Variants in RASGEF1C observed in about 807,000 individuals in gnomAD.
RASGEF1C encodes ras-GEF domain-containing family member 1C.
RASGEF1C carries 27 observed loss-of-function variants against 58.1 expected under a neutral mutation model. That is an observed-to-expected ratio of 0.46 (90% confidence interval 0.34 to 0.64). The LOEUF is 0.64. Among genes scored for constraint, RASGEF1C ranks in the 30% least tolerant of loss-of-function variants. RASGEF1C has a pLI of 0.01. For missense variants in RASGEF1C, 502 were observed against 605.1 expected, an observed-to-expected ratio of 0.83 and a Z score of 1.79; for synonymous variants, 243 against 246.3, an observed-to-expected ratio of 0.99 and a Z score of 0.13.
intron 1 of RASGEF1C, among the ~76,000 whole-genome samples, chr5:180,176,474 C>T (rs1767226564): frequency 6.6e-6 from 1 of 152,200 alleles, no homozygotes; most frequent in Non-Finnish European, 1.5e-5. Context: ...CCTGCCAGGA[C>T]CAGGCAGAGG....
chr5:180,174,627 TGTGTGTGTGTGC>T (rs1427979433), intron 1 of RASGEF1C, among the ~76,000 whole-genome samples: 153 of 114,062 alleles, frequency 1.3e-3, no homozygotes, highest in Middle Eastern at 3.8e-3. Flanking sequence ...TCTGTGTGTG[TGTGTGTGTGTGC>T]GTGCATGTGT....
chr5:180,175,672 T>C (rs893055655), intron 1 of RASGEF1C, among the ~76,000 whole-genome samples: 1 of 152,242 alleles, frequency 6.6e-6, no homozygotes, highest in African/African-American at 2.4e-5. Context: ...AGAATATCTA[T>C]GAGCTCTAAT....
chr5:180,166,968 C>A (rs1204871264), intron 1 of RASGEF1C, among the ~76,000 whole-genome samples: 2 of 152,110 alleles, frequency 1.3e-5, no homozygotes. Flanking sequence ...TATCATTTTT[C>A]TCTGGCTGCT....
rs969202462 is a variant in RASGEF1C at position 180,136,590 on chromosome 5, G to T, written c.301-75C>A. 2.3e-5 allele frequency: 34 copies of T among 1,470,194 alleles called. No homozygotes were observed. In the East Asian group the frequency reaches 4.5e-4, roughly 20 times the overall value. The allele number at this position is 1,470,194 out of a possible 1,614,324, so 91.1% of individuals were successfully genotyped here. A position where few individuals can be genotyped will look rare whatever the true frequency, so the allele number is the denominator to read the frequency against. On this transcript the variant is annotated intron_variant, in intron 3 of 13. Transcript: ENST00000361132. ...CGTGAGCCTCACTGCGCGTCCTTGC[G>T]GGTCTGGCCGCCCGGGGCAGGCAGG...
intron 1 of RASGEF1C, among the ~76,000 whole-genome samples, chr5:180,178,447 T>C (rs935249067): frequency 1.3e-5 from 2 of 151,428 alleles, no homozygotes; most frequent in Non-Finnish European, 2.9e-5. Context: ...TCCAGGCTAA[T>C]TGTTGTATTT....
chr5:180,181,952 C>G (rs1182066438), intron 1 of RASGEF1C, among the ~76,000 whole-genome samples: 2 of 150,958 alleles, frequency 1.3e-5, no homozygotes, highest in Admixed American at 1.3e-4. Flanking sequence ...GCCTGTAATC[C>G]TAGCACTTTG....
At chr5:180,178,401 TC>T (rs1767266508) in intron 1 of RASGEF1C, among the ~76,000 whole-genome samples, 1 of 147,886 alleles carries the variant, frequency 6.8e-6, no homozygotes, top group African/African-American at 2.5e-5. Flanking sequence ...TGCCTCAGTC[TC>T]CCAAGTAACT....
At position 180,197,599 on chromosome 5, in the gene RASGEF1C, C is replaced by A. The variant is rs1561759086; in HGVS notation, c.-7+11429G>T. ...CCAGACAGCAGGCTGAGCTCAAGGCCCACACTGGCTGCATGGCCCTGGGAT... is the reference window on the plus strand; with the variant it reads ...CCAGACAGCAGGCTGAGCTCAAGGCACACACTGGCTGCATGGCCCTGGGAT... On this transcript the variant is annotated intron_variant, in intron 1 of 13. Transcript: ENST00000361132. This position sits in a 1 kb window ranked among gnomAD's most constrained non-coding sequence, Gnocchi z 4.7. 6.6e-6 allele frequency among the ~76,000 whole-genome samples: 1 copy of A among 152,098 alleles called. No individual in the cohort carries two copies. Among genetic ancestry groups the A allele is most frequent in the Non-Finnish European group, 1.5e-5 (1 of 68,006 alleles).
At chr5:180,141,888 T>C (rs1363358198) in intron 1 of RASGEF1C, among the ~76,000 whole-genome samples, 1 of 152,096 alleles carries the variant, frequency 6.6e-6, no homozygotes, top group Non-Finnish European at 1.5e-5. Context: ...TTTTGTATTT[T>C]TGGTAGAGAC....
intron 1 of RASGEF1C, among the ~76,000 whole-genome samples, chr5:180,148,100 T>G (rs867296990): frequency 3.8e-4 from 58 of 152,342 alleles, no homozygotes; most frequent in African/African-American, 7.9e-4. Flanking sequence ...TGTGATACCC[T>G]TCTTTGTCTC....
In RASGEF1C at chr5:180,122,180, C is replaced by T. The variant is rs577412598; in HGVS notation, c.715-1031G>A. On this transcript the variant is annotated intron_variant, in intron 6 of 13. Transcript: ENST00000361132. The stretch of plus-strand genomic sequence containing the variant: ...CAAAAGCCTTGTGATGAGAGTCTCA[C>T]AGGAGCCTAACCTTGCATTTCCCCC... Among the ~76,000 whole-genome samples, 3 of 152,302 alleles carry T rather than the reference C, an allele frequency of 2.0e-5. No homozygotes were observed. The South Asian group carries it at 6.2e-4, about 32-fold the overall frequency.
chr5:180,135,187 G>C (rs935075369), intron 4 of RASGEF1C: 4 of 152,284 alleles, frequency 2.6e-5, no homozygotes, highest in Non-Finnish European at 4.4e-5. Context: ...GGGGAGAAGT[G>C]TGGGGAGGAG....
intron 4 of RASGEF1C, among the ~76,000 whole-genome samples, chr5:180,134,410 A>T (rs1054441709): frequency 1.3e-5 from 2 of 151,918 alleles, no homozygotes; most frequent in African/African-American, 4.8e-5. Flanking sequence ...CCACCAAGAC[A>T]TGGCTCCAAC....
At chr5:180,138,544 C>T (rs1161512219) in intron 1 of RASGEF1C, among the ~76,000 whole-genome samples, 1 of 152,116 alleles carries the variant, frequency 6.6e-6, no homozygotes, top group African/African-American at 2.4e-5. Flanking sequence ...GTATGCCCGA[C>T]GCTACTGGGG....
chr5:180,124,572 C>G (rs1426915493), intron 6 of RASGEF1C, among the ~76,000 whole-genome samples: 1 of 152,180 alleles, frequency 6.6e-6, no homozygotes, highest in Non-Finnish European at 1.5e-5. Flanking sequence ...CGCCTGTAAT[C>G]CCAGCACTTT....
rs535737868 is a variant in RASGEF1C at position 180,118,913 on chromosome 5, G to A, written c.908-47C>T. Reference sequence around the variant, plus strand: ...GAGAGGGCTGCTCCTGGGACAGGGGGGCCTCTGCGTAGCTGCACCCCCTTG... The same window carrying A: ...GAGAGGGCTGCTCCTGGGACAGGGGAGCCTCTGCGTAGCTGCACCCCCTTG... On this transcript the variant is annotated intron_variant, in intron 8 of 13. Coordinates refer to ENST00000361132, the MANE Select transcript of RASGEF1C (RefSeq NM_175062.4). The A allele has an allele frequency of 3.8e-5, 59 of 1,563,540 alleles. No individual in the cohort carries two copies. In the South Asian group the frequency reaches 6.0e-4, roughly 16 times the overall value.
rs1300607071 is a variant in RASGEF1C at position 180,155,264 on chromosome 5, G to T, written c.-6-17206C>A. 6.6e-6 allele frequency among the ~76,000 whole-genome samples: 1 copy of T among 152,172 alleles called. No homozygotes were observed. The highest frequency in any genetic ancestry group is 2.4e-5 in the African/African-American group (1 of 41,416). On this transcript the variant is annotated intron_variant, in intron 1 of 13. Transcript: ENST00000361132. This position sits in a 1 kb window ranked among gnomAD's most constrained non-coding sequence, Gnocchi z 5.2. ...CGTCTAGGCTCTGAAAGCCTCTGTG[G>T]TCCTCCTTTTCTCTCTCCTTGGAAG...
chr5:180,104,573 G>A (rs749693356), intron 12 of RASGEF1C, among the ~76,000 whole-genome samples: 7 of 152,060 alleles, frequency 4.6e-5, no homozygotes, highest in East Asian at 1.9e-4. Context: ...ATTTTGTTAC[G>A]GCAGCTCAAA....
Position 180,114,876 on chromosome 5 carries a change from G to A in RASGEF1C, c.1084-335C>T, listed in dbSNP as rs114394788. Among the ~76,000 whole-genome samples the A allele has an allele frequency of 5.4e-3, 817 of 152,356 alleles. 10 individuals are homozygous for A. The highest frequency in any genetic ancestry group is 0.019 in the African/African-American group (783 of 41,586). On this transcript the variant is annotated intron_variant, in intron 10 of 13. Transcript: ENST00000361132. Reference sequence around the variant, plus strand: ...TTGAATATTCCTTCCACTGCCTTCTGGGAGGGGCTGGTAGGTCTCCACTAC... The same window carrying A: ...TTGAATATTCCTTCCACTGCCTTCTAGGAGGGGCTGGTAGGTCTCCACTAC...
Sources: allele counts gnomAD v4.1 joint callset (sites outside exome capture counted in the v4.1 genomes callset), GRCh38; gene constraint gnomAD v4.1.1; non-coding constraint Gnocchi (gnomAD v3.1); transcripts MANE v1.5; gene names NCBI Gene and HGNC (gene_info 2026-07-23, HGNC 2026-07-21).